Variants in PROM1 observed in about 807,000 individuals in gnomAD.
PROM1 encodes prominin-1.
A neutral mutation model predicts 116.9 loss-of-function variants in PROM1; 105 were observed. The observed-to-expected ratio is 0.90, with a 90% CI of 0.77 to 1.06. The LOEUF is 1.06. Ranked by LOEUF, PROM1 falls within the 50% of genes least tolerant of loss-of-function variation. The pLI, the probability that PROM1 is intolerant of heterozygous loss-of-function variation, is 0.00. For missense variants in PROM1, 1,122 were observed against 1,045.2 expected, an observed-to-expected ratio of 1.07 and a Z score of -1.01; for synonymous variants, 393 against 387.0, an observed-to-expected ratio of 1.02 and a Z score of -0.18.
intron 2 of PROM1, among the ~76,000 whole-genome samples, chr4:16,051,196 T>C (rs1172754815): frequency 6.6e-6 from 1 of 152,152 alleles, no homozygotes; most frequent in Non-Finnish European, 1.5e-5. Context: ...TATTCAGACA[T>C]GAGACAACAT....
At chr4:16,011,961 A>T (rs895031811) in intron 11 of PROM1, among the ~76,000 whole-genome samples, 1 of 152,204 alleles carries the variant, frequency 6.6e-6, no homozygotes, top group African/African-American at 2.4e-5. Flanking sequence ...AGATAGCTTT[A>T]CATAGCTTCA....
chr4:16,055,465 A>G (rs1738788019), intron 2 of PROM1: 2 of 455,836 alleles, frequency 4.4e-6, no homozygotes, highest in South Asian at 3.1e-5. Flanking sequence ...AAATGGAAGT[A>G]GGGAATTGAA....
At chr4:16,047,223 G>A (rs1192400911) in intron 2 of PROM1, among the ~76,000 whole-genome samples, 1 of 150,456 alleles carries the variant, frequency 6.6e-6, no homozygotes, top group Non-Finnish European at 1.5e-5. Context: ...CTTTTTTTTT[G>A]AGAGAGAGAG....
At chr4:16,008,574 C>G (rs1335522796) in intron 12 of PROM1, among the ~76,000 whole-genome samples, 1 of 152,194 alleles carries the variant, frequency 6.6e-6, no homozygotes, top group Non-Finnish European at 1.5e-5. Context: ...CATTACATGC[C>G]TGGTTTGATA....
rs377365134 is a variant in PROM1, at chr4:15,984,464, C to T, written c.2281-109G>A. On this transcript the variant is annotated intron_variant, in intron 22 of 27. Coordinates refer to ENST00000447510, the MANE Select transcript of PROM1 (RefSeq NM_006017.3). The stretch of plus-strand genomic sequence containing the variant: ...GGTGTCACAAAAAGGATCTCCATGT[C>T]CTCTAAGACAGGGGTCCCCAACTCC... The T allele has an allele frequency of 3.8e-4, 289 of 761,480 alleles. 3 individuals carry two copies. The South Asian group carries it at 6.5e-3, about 17-fold the overall frequency. The allele number at this position is 761,480 out of a possible 1,614,324, so 47.2% of individuals were successfully genotyped here. A position where few individuals can be genotyped will look rare whatever the true frequency, so the allele number is the denominator to read the frequency against.
intron 4 of PROM1, among the ~76,000 whole-genome samples, chr4:16,033,764 G>A (rs557607996): frequency 6.5e-4 from 99 of 151,626 alleles, no homozygotes; most frequent in African/African-American, 2.3e-3. Flanking sequence ...TGTCCAGGCT[G>A]GTCTTGAACT....
At chr4:16,023,737 G>T (rs1730499545) in intron 7 of PROM1, among the ~76,000 whole-genome samples, 2 of 152,152 alleles carry the variant, frequency 1.3e-5, no homozygotes, top group Admixed American at 1.3e-4. Context: ...GGGCTGTTGT[G>T]AGCATTACGG....
chr4:16,025,584 A>T (rs751965326), intron 5 of PROM1, among the ~76,000 whole-genome samples: 1 of 152,228 alleles, frequency 6.6e-6, no homozygotes, highest in Non-Finnish European at 1.5e-5. Context: ...CAATGTTCAC[A>T]ACAAATTGTG....
chr4:15,979,010 A>AGAAGGAAGGAAGGAAGGAAGGAAAGAAG (rs1716989614), intron 26 of PROM1, among the ~76,000 whole-genome samples: 4 of 148,324 alleles, frequency 2.7e-5, no homozygotes, highest in Non-Finnish European at 3.0e-5. Context: ...AAGGAAGGAA[A>AGAAGGAAGGAAGGAAGGAAGGAAAGAAG]GAAGGAAGGA....
intron 8 of PROM1, among the ~76,000 whole-genome samples, chr4:16,022,868 T>C (rs1730252676): frequency 6.6e-6 from 1 of 152,222 alleles, no homozygotes; most frequent in African/African-American, 2.4e-5. Flanking sequence ...TTCCCTCTGA[T>C]TGACCTAAAT....
intron 15 of PROM1, 71 bp from the exon 16 acceptor site, chr4:15,994,142 G>A (rs1721742515): frequency 1.2e-6 from 2 of 1,601,078 alleles, no homozygotes; most frequent in African/African-American, 1.3e-5. Context: ...CACTGAAGAT[G>A]AGGAGAAAGG....
chr4:15,986,175 C>T, intron 20 of PROM1, 138 bp from the exon 21 acceptor site: 3 of 606,096 alleles, frequency 4.9e-6, no homozygotes, highest in Non-Finnish European at 2.9e-6. Context: ...GAAGACAGAA[C>T]CCACCCAGGC....
At chr4:16,059,482 T>C (rs891084762) in intron 2 of PROM1, among the ~76,000 whole-genome samples, 1 of 152,166 alleles carries the variant, frequency 6.6e-6, no homozygotes, top group Non-Finnish European at 1.5e-5. Context: ...GGCAGGAGGA[T>C]GGCTTGAGCC....
At position 15,991,278 on chromosome 4, in the gene PROM1, C is replaced by T. The variant is rs748475864; in HGVS notation, c.1927G>A (p.Ala643Thr). The change falls in exon 18 of 28, where the codon GCA becomes ACA. Residue 643 changes from alanine to threonine, a missense_variant. Transcript: ENST00000447510. ...GCAAATGATAAAAGATTCACTCCTGCGGGGGATTTACCAGTCTACAATAGA... is the reference window on the plus strand; with the variant it reads ...GCAAATGATAAAAGATTCACTCCTGTGGGGGATTTACCAGTCTACAATAGA... ...SYLAQTGKSP[A>T]GVNLLSFAYD... The T allele has an allele frequency of 3.2e-5, 52 of 1,602,720 alleles. No homozygotes were observed. Among genetic ancestry groups the T allele is most frequent in the Admixed American group, 6.9e-5 (4 of 57,744 alleles).
rs561037250 is a variant in PROM1 at position 16,031,326 on chromosome 4, G to A, written c.509+1978C>T. On this transcript the variant is annotated intron_variant, in intron 5 of 27. Transcript: ENST00000447510. ...GCTGTGCAAGTGTCTAGACAAATGT[G>A]GCGTGTAAGTTTCAGGCTTACAGGA... 7.9e-5 allele frequency among the ~76,000 whole-genome samples: 12 copies of A among 152,144 alleles called. No homozygotes were observed. In the South Asian group the frequency reaches 1.2e-3, roughly 16 times the overall value.
At position 16,016,238 on chromosome 4, in the gene PROM1, A is replaced by C. The variant is rs575872579; in HGVS notation, c.1005T>G (p.Leu335=). 4.5e-6 allele frequency: 7 copies of C among 1,548,448 alleles called. No homozygotes were observed. The South Asian group carries it at 8.5e-5, about 19-fold the overall frequency. Residue 335 remains leucine, a splice_region_variant and synonymous_variant, in exon 10 of 28, where the codon CTT becomes CTG. Coordinates refer to ENST00000447510, the MANE Select transcript of PROM1 (RefSeq NM_006017.3). Reference sequence around the variant, plus strand: ...TGTCAAGTTCTGCATCCACGGGTGGAAGCTGAAAATTTATAAAACAAAATA... The same window carrying C: ...TGTCAAGTTCTGCATCCACGGGTGGCAGCTGAAAATTTATAAAACAAAATA... ...QLNSNPELRQ[L]PPVDAELDNV...
chr4:16,032,488 A>G (rs1732952019), intron 5 of PROM1, among the ~76,000 whole-genome samples: 1 of 152,244 alleles, frequency 6.6e-6, no homozygotes, highest in African/African-American at 2.4e-5. Flanking sequence ...GAGAAACAAC[A>G]AAGAGAATGC....
Position 16,016,216 on chromosome 4 carries a change from C to G in PROM1, c.1027G>C (p.Asp343His). 6.4e-7 allele frequency: 1 copy of G among 1,553,642 alleles called. No homozygotes were observed. Among genetic ancestry groups the G allele is most frequent in the East Asian group, 2.4e-5 (1 of 41,304 alleles). Residue 343 changes from aspartate to histidine, a missense_variant, in exon 10 of 28, where the codon GAC becomes CAC. Physicochemically the swap from Asp to His is moderately conservative, Grantham distance 81. Transcript: ENST00000447510. Reference sequence around the variant, plus strand: ...GTCCTAAGAACGTTATTAACGTTGTCAAGTTCTGCATCCACGGGTGGAAGC... The same window carrying G: ...GTCCTAAGAACGTTATTAACGTTGTGAAGTTCTGCATCCACGGGTGGAAGC... ...RQLPPVDAEL[D>H]NVNNVLRTDL...
chr4:16,023,069 G>T (rs1730307074), intron 8 of PROM1, among the ~76,000 whole-genome samples: 1 of 144,430 alleles, frequency 6.9e-6, no homozygotes, highest in African/African-American at 2.6e-5. Flanking sequence ...CGATAAAACT[G>T]TGTTTAAAAA....
Sources: allele counts gnomAD v4.1 joint callset (sites outside exome capture counted in the v4.1 genomes callset), GRCh38; gene constraint gnomAD v4.1.1; transcripts MANE v1.5; gene names NCBI Gene and HGNC (gene_info 2026-07-23, HGNC 2026-07-21).